CNBD1: variants seen among roughly 807,000 people sequenced by gnomAD.
CNBD1 encodes cyclic nucleotide-binding domain-containing protein 1.
Under a neutral mutation model 54.4 loss-of-function variants are expected in CNBD1, and 71 were observed. The ratio of observed to expected loss-of-function variants is 1.30; its 90% CI spans 1.08 to 1.59. CNBD1 has a LOEUF of 1.59. CNBD1 is among the 40% of genes most tolerant of loss of function. CNBD1 has a pLI of 0.00. For synonymous variants in CNBD1, 182 were observed against 170.7 expected (o/e 1.07, Z -0.51); for missense variants, 659 against 518.0 (o/e 1.27, Z -2.64).
intron 4 of CNBD1, among the ~76,000 whole-genome samples, chr8:87,063,997 TG>T (rs1195588428): frequency 6.6e-6 from 1 of 152,070 alleles, no homozygotes; most frequent in Non-Finnish European, 1.5e-5. Context: ...AAAATTTATC[TG>T]TCATTTTGTA....
intron 2 of CNBD1, among the ~76,000 whole-genome samples, chr8:87,420,135 GATC>G (rs1221252845): frequency 1.3e-5 from 2 of 151,820 alleles, no homozygotes; most frequent in Non-Finnish European, 2.9e-5. Context: ...GACATCATTT[GATC>G]ATCACTTTTC....
intron 2 of CNBD1, among the ~76,000 whole-genome samples, chr8:87,388,152 G>A (rs1026626600): frequency 2.4e-4 from 37 of 152,124 alleles, no homozygotes; most frequent in Non-Finnish European, 4.7e-4. Flanking sequence ...GAGAAAGAAG[G>A]AAAGATCTAA....
chr8:86,899,074 C>T (rs1311485232), intron 2 of CNBD1, among the ~76,000 whole-genome samples: 1 of 151,724 alleles, frequency 6.6e-6, no homozygotes, highest in African/African-American at 2.4e-5. Flanking sequence ...ATAAGCCAGA[C>T]ACAGAAAGTA....
chr8:86,918,141 C>G (rs761128563), intron 3 of CNBD1, among the ~76,000 whole-genome samples: 6 of 152,114 alleles, frequency 3.9e-5, no homozygotes, highest in Non-Finnish European at 7.4e-5. Context: ...GCAGAGGATA[C>G]TGTCTCTTTA....
chr8:87,353,007 T>G (rs1810338414), intron 9 of CNBD1, among the ~76,000 whole-genome samples: 1 of 152,150 alleles, frequency 6.6e-6, no homozygotes, highest in Admixed American at 6.6e-5. Flanking sequence ...TCCTAGCAAA[T>G]CTCCCCGCAA....
chr8:87,066,071 A>C (rs1810646781), intron 4 of CNBD1, among the ~76,000 whole-genome samples: 2 of 152,026 alleles, frequency 1.3e-5, no homozygotes, highest in East Asian at 3.9e-4. Flanking sequence ...TTAGTGACCC[A>C]GTGTTGTCAG....
At chr8:87,385,667 C>T (rs952575791), downstream of CNBD1, among the ~76,000 whole-genome samples, 7 of 152,086 alleles carry the variant, frequency 4.6e-5, no homozygotes, top group African/African-American at 1.2e-4. Context: ...GGCCTACCTG[C>T]CTCTGTAGAC....
chr8:87,242,658 T>C (rs1433144425), intron 6 of CNBD1, among the ~76,000 whole-genome samples: 1 of 152,196 alleles, frequency 6.6e-6, no homozygotes, highest in Non-Finnish European at 1.5e-5. Flanking sequence ...TTATGCCTCC[T>C]TAAAATGTAT....
rs531260489 is a variant in CNBD1, at chr8:87,399,498, C to A, written c.214-29048C>A. On this transcript the variant is annotated intron_variant, in intron 2 of 7. Transcript: ENST00000521593. ...TAAGAGCTTTGCCTCTGGAATGAGA[C>A]TACTAGATTTCAAATCTGGGCCAGC... Among the ~76,000 whole-genome samples, 14 of 152,102 alleles carry A rather than the reference C, an allele frequency of 9.2e-5. No homozygotes were observed. In the South Asian group the frequency reaches 2.9e-3, roughly 32 times the overall value.
chr8:87,277,045 A>G (rs1209349314), intron 6 of CNBD1, among the ~76,000 whole-genome samples: 1 of 151,146 alleles, frequency 6.6e-6, no homozygotes, highest in Non-Finnish European at 1.5e-5. Flanking sequence ...TACATTTATG[A>G]AAGTGCTGAA....
intron 6 of CNBD1, among the ~76,000 whole-genome samples, chr8:87,246,420 T>G (rs1807806549): frequency 6.6e-6 from 1 of 152,180 alleles, no homozygotes; most frequent in African/African-American, 2.4e-5. Flanking sequence ...TAGATTTTAT[T>G]TCTTCTCGAG....
At chr8:87,380,640 G>T (rs77596474) in intron 10 of CNBD1, among the ~76,000 whole-genome samples, 4 of 152,082 alleles carry the variant, frequency 2.6e-5, no homozygotes, top group Admixed American at 6.6e-5. Context: ...TTGTCTTCCA[G>T]TCTGTGAACG....
chr8:87,388,452 A>G (rs1227286049), intron 2 of CNBD1, among the ~76,000 whole-genome samples: 4 of 152,276 alleles, frequency 2.6e-5, no homozygotes, highest in East Asian at 1.9e-4. Context: ...ACAAACTACC[A>G]TCAGAGAATA....
chr8:86,941,587 G>A (rs561557377), intron 4 of CNBD1, among the ~76,000 whole-genome samples: 12 of 152,232 alleles, frequency 7.9e-5, no homozygotes, highest in African/African-American at 2.9e-4. Context: ...GATGTGGGAG[G>A]TCAGTAACAG....
At chr8:86,888,649 A>C (rs1332748532) in intron 2 of CNBD1, among the ~76,000 whole-genome samples, 1 of 152,106 alleles carries the variant, frequency 6.6e-6, no homozygotes, top group African/African-American at 2.4e-5. Flanking sequence ...CAGAAGTGTT[A>C]GTTATTTTTA....
chr8:87,291,376 A>G (rs944693550), intron 8 of CNBD1, among the ~76,000 whole-genome samples: 3 of 151,984 alleles, frequency 2.0e-5, no homozygotes, highest in Admixed American at 6.6e-5. Context: ...TTGAGATTCT[A>G]TTGCTCTTTC....
At chr8:87,172,781 T>C (rs1813116460) in intron 4 of CNBD1, among the ~76,000 whole-genome samples, 1 of 152,144 alleles carries the variant, frequency 6.6e-6, no homozygotes, top group Non-Finnish European at 1.5e-5. Context: ...TTGAAGTGTG[T>C]TTCTTGTAGG....
At chr8:87,236,413 A>G (rs906692497) in intron 5 of CNBD1, among the ~76,000 whole-genome samples, 1 of 152,090 alleles carries the variant, frequency 6.6e-6, no homozygotes, top group South Asian at 2.1e-4. Context: ...TTCTAGTAAT[A>G]ATCAGCCACC....
At chr8:87,301,668 CA>C (rs1287763666) in intron 8 of CNBD1, among the ~76,000 whole-genome samples, 2 of 151,888 alleles carry the variant, frequency 1.3e-5, no homozygotes, top group South Asian at 4.1e-4. Context: ...AATAGAGACA[CA>C]AAAAACCCTT....
Sources: allele counts gnomAD v4.1 joint callset (sites outside exome capture counted in the v4.1 genomes callset), GRCh38; gene constraint gnomAD v4.1.1; transcripts MANE v1.5; gene names NCBI Gene and HGNC (gene_info 2026-07-23, HGNC 2026-07-21).